The following EPB41L3 variants were observed in gnomAD, a reference collection of about 807,000 sequenced individuals.
EPB41L3 encodes band 4.1-like protein 3.
In EPB41L3, 57 loss-of-function variants were observed where a neutral mutation model predicts 127.1. The observed-to-expected ratio is 0.45, with a 90% confidence interval of 0.36 to 0.56. The LOEUF (loss-of-function observed/expected upper bound fraction) is 0.56. Ranked by LOEUF, EPB41L3 falls within the 20% of genes least tolerant of loss-of-function variation. The pLI is 0.00. For missense variants in EPB41L3, 1,273 were observed against 1,372.2 expected (o/e 0.93, Z 1.14); for synonymous variants, 572 against 549.5 (o/e 1.04, Z -0.57).
chr18:5,543,599 G>C lies in EPB41L3; in HGVS notation c.-12+314C>G, dbSNP rs1449304005. ...CGCCCCTTCGGCCAGGGATCCCAGG[G>C]AGGCCCCCAGGCCGGAGGCCGGGGC... On this transcript the variant is annotated intron_variant, in intron 1 of 22. Transcript: ENST00000341928. This position sits in a 1 kb window ranked among gnomAD's most constrained non-coding sequence, Gnocchi z 5.2. Among the ~76,000 whole-genome samples, 1 of 147,298 alleles carries C rather than the reference G, an allele frequency of 6.8e-6. No homozygotes were observed. The highest frequency in any genetic ancestry group is 2.4e-5 in the African/African-American group (1 of 40,994).
At chr18:5,617,076 C>T (rs953200746) in intron 1 of EPB41L3, among the ~76,000 whole-genome samples, 1 of 152,152 alleles carries the variant, frequency 6.6e-6, no homozygotes, top group Non-Finnish European at 1.5e-5. Flanking sequence ...TTACCTTCTT[C>T]CCTCCAGTGA....
intron 1 of EPB41L3, among the ~76,000 whole-genome samples, chr18:5,519,414 C>A (rs1299161963): frequency 6.6e-6 from 1 of 152,196 alleles, no homozygotes; most frequent in Non-Finnish European, 1.5e-5. Flanking sequence ...CTATTTTTCT[C>A]CTTGTCCAAA....
At chr18:5,447,345 A>G (rs1055673296) in intron 3 of EPB41L3, among the ~76,000 whole-genome samples, 1 of 152,012 alleles carries the variant, frequency 6.6e-6, no homozygotes, top group Non-Finnish European at 1.5e-5. Flanking sequence ...ATAGGAGCAC[A>G]TATCCAACTC....
At chr18:5,415,327 AG>A (rs2076665082) in intron 13 of EPB41L3, among the ~76,000 whole-genome samples, 1 of 152,196 alleles carries the variant, frequency 6.6e-6, no homozygotes, top group African/African-American at 2.4e-5. Flanking sequence ...GGGACATTTC[AG>A]GATCTCCAGG....
intron 1 of EPB41L3, among the ~76,000 whole-genome samples, chr18:5,508,766 C>CAAAAAAA (rs397969769): frequency 1.7e-4 from 9 of 52,554 alleles, no homozygotes; most frequent in Non-Finnish European, 2.1e-4. Context: ...GACTCCATCT[C>CAAAAAAA]AAAAAAAAAA....
intron 3 of EPB41L3, among the ~76,000 whole-genome samples, chr18:5,461,896 A>T (rs1358577847): frequency 1.3e-5 from 2 of 152,152 alleles, no homozygotes; most frequent in Non-Finnish European, 2.9e-5. Context: ...GCTGGTCGAT[A>T]ACAAGCCACA....
intron 3 of EPB41L3, among the ~76,000 whole-genome samples, chr18:5,581,851 A>G (rs1402510411): frequency 1.3e-5 from 2 of 152,018 alleles, no homozygotes; most frequent in Admixed American, 1.3e-4. Flanking sequence ...TGAAAAAATT[A>G]GCTCAGCCTG....
In EPB41L3 at chr18:5,583,974, A is replaced by G. The variant is rs147829991; in HGVS notation, c.-306+28366T>C. ...CAGGCATGCGCCACCACACCAAGCT[A>G]ATTTTGTATTTTTAGTAGAGACAGG... is the stretch of plus-strand genomic sequence containing the variant. On this transcript the variant is annotated intron_variant, in intron 3 of 21. Coordinates refer to the EPB41L3 transcript ENST00000545076. 1.2e-3 allele frequency among the ~76,000 whole-genome samples: 189 copies of G among 152,150 alleles called. 1 individual carries two copies. The highest frequency in any genetic ancestry group is 4.4e-3 in the African/African-American group (183 of 41,510).
Position 5,433,574 on chromosome 18 carries a change from A to G in EPB41L3, c.825-18T>C, listed in dbSNP as rs1298574494. On this transcript the variant is annotated intron_variant, in intron 7 of 22. Transcript: ENST00000341928. ...TCATTCCTCTGATGAGAAGAAAAAT[A>G]TGTTACAATGATGCTTTTCCCTTCC... is the stretch of plus-strand genomic sequence containing the variant. 6.3e-7 allele frequency: 1 copy of G among 1,597,122 alleles called. No homozygotes were observed. Among genetic ancestry groups the G allele is most frequent in the Non-Finnish European group, 8.6e-7 (1 of 1,169,224 alleles).
chr18:5,518,830 G>A (rs981598648), intron 1 of EPB41L3, among the ~76,000 whole-genome samples: 1 of 152,114 alleles, frequency 6.6e-6, no homozygotes, highest in Non-Finnish European at 1.5e-5. Context: ...GGACCGCAAT[G>A]AACATCCTTT....
intron 21 of EPB41L3, 98 bp downstream of exon 21, chr18:5,394,969 G>A: frequency 2.3e-6 from 3 of 1,315,342 alleles, no homozygotes; most frequent in Non-Finnish European, 3.3e-6. Context: ...ATTTTCTTCG[G>A]AATACATGCT....
chr18:5,454,703 TG>T (rs1272240896), intron 3 of EPB41L3, among the ~76,000 whole-genome samples: 12 of 152,214 alleles, frequency 7.9e-5, no homozygotes, highest in Non-Finnish European at 1.8e-4. Flanking sequence ...AATCAATAAT[TG>T]TTCTATCACA....
intron 1 of EPB41L3, among the ~76,000 whole-genome samples, chr18:5,525,258 C>A (rs781138249): frequency 2.6e-5 from 4 of 152,102 alleles, no homozygotes; most frequent in Non-Finnish European, 5.9e-5. Flanking sequence ...CCCAGACAGC[C>A]AAAGCAACCA....
Position 5,489,158 on chromosome 18 carries a change from G to A in EPB41L3, c.26C>T (p.Ser9Leu), listed in dbSNP as rs2090289213. The A allele has an allele frequency of 2.5e-6, 4 of 1,596,930 alleles. No individual in the cohort carries two copies. Among genetic ancestry groups the A allele is most frequent in the African/African-American group, 1.4e-5 (1 of 72,766 alleles). ...GGCCTCCTGGTCCGGCTTGGATTCC[G>A]AGTCTGATCCAGATTCGGTCGTCAT... MTTESGSD[S>L]ESKPDQEAEP... Residue 9 changes from serine (S) to leucine (L), a missense_variant, in exon 2 of 23, where the codon TCG (serine) becomes TTG (leucine). This residue lies in a region of EPB41L3 where 182 missense variants were observed against 149.2 expected (regional missense o/e 1.22). Transcript: ENST00000341928.
chr18:5,623,726 C>T (rs1331492037), intron 1 of EPB41L3, among the ~76,000 whole-genome samples: 4 of 151,440 alleles, frequency 2.6e-5, no homozygotes, highest in Non-Finnish European at 4.4e-5. Flanking sequence ...TGGCTCACTG[C>T]AACCTCTGCC....
At chr18:5,444,605 A>C (rs2081230093) in intron 4 of EPB41L3, among the ~76,000 whole-genome samples, 1 of 152,242 alleles carries the variant, frequency 6.6e-6, no homozygotes, top group South Asian at 2.1e-4. Context: ...CATCTACTAA[A>C]CATATTAGAC....
intron 3 of EPB41L3, among the ~76,000 whole-genome samples, chr18:5,460,835 T>G (rs2083873147): frequency 6.6e-6 from 1 of 152,228 alleles, no homozygotes; most frequent in Non-Finnish European, 1.5e-5. Context: ...AACCTCATGC[T>G]TGGCTTCCTA....
intron 11 of EPB41L3, among the ~76,000 whole-genome samples, chr18:5,421,794 T>A (rs1158208044): frequency 6.6e-6 from 1 of 152,084 alleles, no homozygotes; most frequent in Non-Finnish European, 1.5e-5. Context: ...CAGAGTAATA[T>A]AATGGACACT....
At chr18:5,443,216 T>C (rs891392128) in intron 5 of EPB41L3, among the ~76,000 whole-genome samples, 3 of 152,204 alleles carry the variant, frequency 2.0e-5, no homozygotes, top group African/African-American at 7.2e-5. Flanking sequence ...ACTCTACCAA[T>C]TGAGTAAATA....
Sources: gnomAD v4.1 joint callset for allele counts (sites outside exome capture counted in the v4.1 genomes callset) on GRCh38, gnomAD v4.1.1 for gene constraint, gnomAD v4.1.1 regional missense constraint, Gnocchi (gnomAD v3.1) non-coding constraint, MANE v1.5 for transcripts, NCBI Gene and HGNC (gene_info 2026-07-23, HGNC 2026-07-21) for gene names.